Variants in SLCO2B1 observed in about 807,000 individuals in gnomAD.
SLCO2B1 encodes OATP-RP2.
SLCO2B1 carries 41 observed loss-of-function variants against 67.3 expected under a neutral mutation model. The observed-to-expected ratio is 0.61, with a 90% CI of 0.47 to 0.79. The LOEUF is 0.79. Among genes scored for constraint, SLCO2B1 ranks in the 30% least tolerant of loss-of-function variants. SLCO2B1 has a pLI of 0.00. For missense variants in SLCO2B1, 837 were observed against 920.1 expected (o/e 0.91, Z 1.17); for synonymous variants, 379 against 381.4 (o/e 0.99, Z 0.07).
At chr11:75,166,998 C>T (rs755799393) in intron 4 of SLCO2B1, among the ~76,000 whole-genome samples, 3 of 152,164 alleles carry the variant, frequency 2.0e-5, no homozygotes, top group African/African-American at 4.8e-5. Flanking sequence ...CCCAGTGGGG[C>T]GCAGGGTTGG....
intron 3 of SLCO2B1, among the ~76,000 whole-genome samples, chr11:75,164,730 T>TC (rs1949866340): frequency 6.6e-6 from 1 of 152,106 alleles, no homozygotes; most frequent in South Asian, 2.1e-4. Context: ...CATGAAATTC[T>TC]CCCCCCTTGG....
chr11:75,157,619 A>G (rs1837017665), intron 1 of SLCO2B1, among the ~76,000 whole-genome samples: 1 of 152,158 alleles, frequency 6.6e-6, no homozygotes, highest in Non-Finnish European at 1.5e-5. Context: ...TTGAATATTT[A>G]TCAGGAAAAG....
Position 75,164,033 on chromosome 11 carries a change from T to C in SLCO2B1, c.218T>C (p.Ile73Thr), listed in dbSNP as rs1410174244. 6.2e-7 allele frequency: 1 copy of C among 1,607,784 alleles called. No homozygotes were observed. The highest frequency in any genetic ancestry group is 1.1e-5 in the South Asian group (1 of 89,588). The stretch of plus-strand genomic sequence containing the variant: ...ATCTCCGGCTACCTAAAGAGCTCCA[T>C]CTCCACAGTGGAGAAGCGCTTCGGC... Reference protein sequence around the residue: ...LMISGYLKSSISTVEKRFGLS... With the variant: ...LMISGYLKSSTSTVEKRFGLS... Residue 73 changes from isoleucine (I) to threonine (T), a missense_variant, in exon 3 of 14, where the codon ATC (isoleucine) becomes ACC (threonine). Coordinates refer to ENST00000289575, the MANE Select transcript of SLCO2B1 (RefSeq NM_007256.5).
chr11:75,169,212 C>T lies in SLCO2B1; in HGVS notation c.488C>T (p.Pro163Leu), dbSNP rs757438513. 10 of 1,614,116 alleles carry T rather than the reference C, an allele frequency of 6.2e-6. No individual in the cohort carries two copies. The East Asian group carries it at 2.0e-4, about 32-fold the overall frequency. The change falls in exon 5 of 14, where the codon CCC (proline) becomes CTC (leucine). Residue 163 changes from proline to leucine, a missense_variant. Coordinates refer to ENST00000289575, the MANE Select transcript of SLCO2B1 (RefSeq NM_007256.5). ...PQDFKASLCL[P>L]TTSAPASAPS... ...GACTTCAAGGCTTCCCTGTGCCTGC[C>T]CACAACCTCGGCCCCAGCCTCGGCC...
chr11:75,157,436 G>A (rs1388110670), intron 1 of SLCO2B1, among the ~76,000 whole-genome samples: 1 of 152,156 alleles, frequency 6.6e-6, no homozygotes, highest in Non-Finnish European at 1.5e-5. Context: ...TACAGTCTCT[G>A]CATGGTAGCT....
Position 75,165,940 on chromosome 11 carries a change from A to G in SLCO2B1, c.439A>G (p.Thr147Ala), listed in dbSNP as rs754322215. The change falls in exon 4 of 14, where the codon ACC (threonine) becomes GCC (alanine). Residue 147 changes from threonine to alanine, a missense_variant. Coordinates refer to ENST00000289575, the MANE Select transcript of SLCO2B1 (RefSeq NM_007256.5). ...CTCGGAGCCATACCGCTACGACAAC[A>G]CCAGCCCTGGTAAGAGCAGCAGGGG... ...FISEPYRYDNTSPEDMPQDFK... is the reference protein window; with the variant it reads ...FISEPYRYDNASPEDMPQDFK... 6.2e-7 allele frequency: 1 copy of G among 1,613,650 alleles called. No individual in the cohort carries two copies. The highest frequency in any genetic ancestry group is 1.1e-5 in the South Asian group (1 of 91,054).
rs370551524 is a variant in SLCO2B1, at chr11:75,188,248, C to T, written c.1075+10C>T. On this transcript the variant is annotated intron_variant, in intron 8 of 13. Coordinates refer to ENST00000289575, the MANE Select transcript of SLCO2B1 (RefSeq NM_007256.5). ...ATCCAGTTCATTAAAGGTAAGTCAGCTCAGACCAGGTTATGGGGAGCCAGG... is the reference window on the plus strand; with the variant it reads ...ATCCAGTTCATTAAAGGTAAGTCAGTTCAGACCAGGTTATGGGGAGCCAGG... 5.6e-6 allele frequency: 9 copies of T among 1,595,342 alleles called. No individual in the cohort carries two copies. The African/African-American group carries it at 1.1e-4, about 19-fold the overall frequency.
At chr11:75,203,119 C>A in intron 12 of SLCO2B1, 154 bp downstream of exon 12, 4 of 1,131,416 alleles carry the variant, frequency 3.5e-6, no homozygotes, top group South Asian at 1.3e-5. Flanking sequence ...TCTCCTAGAG[C>A]GGGGTATAGA....
intron 1 of SLCO2B1, 139 bp from the exon 2 acceptor site, chr11:75,162,516 T>A (rs1949833092): frequency 2.1e-6 from 2 of 953,532 alleles, no homozygotes; most frequent in South Asian, 3.6e-5. Flanking sequence ...GAAGGTGATT[T>A]GATTCTCAGA....
intron 7 of SLCO2B1, among the ~76,000 whole-genome samples, chr11:75,180,927 GA>G (rs1950084428): frequency 6.6e-6 from 1 of 152,170 alleles, no homozygotes; most frequent in South Asian, 2.1e-4. Context: ...AAATAAGAGC[GA>G]AAGGTTCTCA....
intron 8 of SLCO2B1, among the ~76,000 whole-genome samples, chr11:75,188,728 C>T (rs1324079945): frequency 2.0e-5 from 3 of 152,078 alleles, no homozygotes; most frequent in African/African-American, 7.2e-5. Context: ...AAAACAACAA[C>T]AAAAAACCTT....
chr11:75,186,376 T>A (rs1467334117), intron 7 of SLCO2B1, among the ~76,000 whole-genome samples: 1 of 152,034 alleles, frequency 6.6e-6, no homozygotes, highest in Non-Finnish European at 1.5e-5. Context: ...GCCTGGCTAA[T>A]TTTTGTATTT....
At position 75,186,675 on chromosome 11, in the gene SLCO2B1, T is replaced by G. The variant is rs112292438; in HGVS notation, c.973-1461T>G. 2.3e-3 allele frequency among the ~76,000 whole-genome samples: 355 copies of G among 152,296 alleles called. 1 individual carries two copies. Among genetic ancestry groups the G allele is most frequent in the African/African-American group, 8.4e-3 (350 of 41,552 alleles). The stretch of plus-strand genomic sequence containing the variant: ...GCCTAGGCATAAGTCTTCTTCCAGC[T>G]AATTTTTTGCTTTTAATTCTGACCT... On this transcript the variant is annotated intron_variant, in intron 7 of 13. Coordinates refer to ENST00000289575, the MANE Select transcript of SLCO2B1 (RefSeq NM_007256.5).
At chr11:75,151,535 C>T (rs916873669) in intron 1 of SLCO2B1, 138 bp downstream of exon 1, 9 of 830,690 alleles carry the variant, frequency 1.1e-5, no homozygotes, top group Admixed American at 4.3e-5. Flanking sequence ...GGCACATGGC[C>T]GGAGTTCAGT....
Position 75,193,564 on chromosome 11 carries a change from A to G in SLCO2B1, c.1422A>G (p.Thr474=), listed in dbSNP as rs750985776. Residue 474 remains threonine, a synonymous_variant, in exon 9 of 14, where the codon ACA becomes ACG. Transcript: ENST00000289575. The surrounding 1 kb of genome is among the most constrained non-coding windows in gnomAD (Gnocchi z 4.2). ...GCSSHQIAGI[T]HQTSAHPGLE... is the part of the protein sequence containing the mutation. ...CCAGCCACCAGATTGCGGGCATCACACACCAGACCAGGTGAGTGTGTGCGT... is the reference window on the plus strand; with the variant it reads ...CCAGCCACCAGATTGCGGGCATCACGCACCAGACCAGGTGAGTGTGTGCGT... 7.7e-6 allele frequency: 12 copies of G among 1,554,542 alleles called. No homozygotes were observed. The highest frequency in any genetic ancestry group is 1.7e-4 in the Middle Eastern group (1 of 5,808).
intron 1 of SLCO2B1, among the ~76,000 whole-genome samples, chr11:75,152,783 G>A (rs1461724786): frequency 3.3e-5 from 5 of 152,252 alleles, no homozygotes; most frequent in African/African-American, 1.2e-4. Flanking sequence ...GCATCTGCCT[G>A]GTGGGCCATT....
At chr11:75,162,904 T>G (rs912756531) in intron 2 of SLCO2B1, 119 bp downstream of exon 2, 11 of 1,246,634 alleles carry the variant, frequency 8.8e-6, no homozygotes, top group African/African-American at 3.0e-5. Context: ...CTATAGAATG[T>G]GTGGCTGTGA....
intron 4 of SLCO2B1, 34 bp downstream of exon 4, chr11:75,165,983 G>A (rs775517400): frequency 1.7e-5 from 27 of 1,600,262 alleles, no homozygotes; most frequent in Non-Finnish European, 2.1e-5. Context: ...GGAGTGGGAC[G>A]TTAGCCTCTG....
intron 7 of SLCO2B1, among the ~76,000 whole-genome samples, chr11:75,179,927 A>T (rs1281018832): frequency 6.6e-6 from 1 of 151,074 alleles, no homozygotes; most frequent in African/African-American, 2.4e-5. Flanking sequence ...CCTGGCCTCA[A>T]GTGATCTGCC....
Sources: allele counts gnomAD v4.1 joint callset (sites outside exome capture counted in the v4.1 genomes callset), GRCh38; gene constraint gnomAD v4.1.1; non-coding constraint Gnocchi (gnomAD v3.1); transcripts MANE v1.5; gene names NCBI Gene and HGNC (gene_info 2026-07-23, HGNC 2026-07-21).